KIAA1217: variants seen among roughly 807,000 people sequenced by gnomAD.
KIAA1217 encodes sickle tail protein homolog.
KIAA1217 carries 88 observed loss-of-function variants against 163.9 expected under a neutral mutation model. The observed-to-expected ratio is 0.54, with a 90% confidence interval of 0.45 to 0.64. KIAA1217 has a LOEUF of 0.64. Among genes scored for constraint, KIAA1217 ranks in the 30% least tolerant of loss-of-function variants. The pLI is 0.00. For missense variants in KIAA1217, 2,372 were observed against 2,475.0 expected (o/e 0.96, Z 0.88); for synonymous variants, 903 against 923.1 (o/e 0.98, Z 0.39).
At chr10:23,901,618 G>A (rs1204412692) in intron 1 of KIAA1217, among the ~76,000 whole-genome samples, 3 of 151,980 alleles carry the variant, frequency 2.0e-5, no homozygotes, top group Non-Finnish European at 4.4e-5. Flanking sequence ...GCTAAGAACT[G>A]AAATATTTGG....
intron 8 of KIAA1217, among the ~76,000 whole-genome samples, chr10:24,499,442 A>G (rs2067230910): frequency 2.0e-5 from 3 of 152,270 alleles, no homozygotes; most frequent in South Asian, 4.1e-4. Context: ...AGGCTTAGAA[A>G]CATAACGTGG....
At chr10:24,499,119 C>A (rs773862509) in intron 8 of KIAA1217, among the ~76,000 whole-genome samples, 2 of 152,090 alleles carry the variant, frequency 1.3e-5, no homozygotes, top group Non-Finnish European at 2.9e-5. Flanking sequence ...GTGCGCCTAT[C>A]CCTCAAAGAG....
intron 17 of KIAA1217, among the ~76,000 whole-genome samples, chr10:24,540,045 T>G (rs1413535267): frequency 6.6e-6 from 1 of 152,224 alleles, no homozygotes; most frequent in Non-Finnish European, 1.5e-5. Context: ...ACTGTGAGTT[T>G]GCATGACAAT....
chr10:23,762,883 A>C (rs968695750), intron 1 of KIAA1217, among the ~76,000 whole-genome samples: 2 of 152,242 alleles, frequency 1.3e-5, no homozygotes, highest in Admixed American at 6.5e-5. Flanking sequence ...ATCTCAGCCC[A>C]AAAACTCCTT....
chr10:24,273,657 G>A (rs1419190180), intron 2 of KIAA1217, among the ~76,000 whole-genome samples: 1 of 152,002 alleles, frequency 6.6e-6, no homozygotes, highest in African/African-American at 2.4e-5. Context: ...TTCGAGACCA[G>A]CCTGGCCAAC....
At chr10:23,767,519 T>G (rs1390291934) in intron 1 of KIAA1217, among the ~76,000 whole-genome samples, 1 of 152,172 alleles carries the variant, frequency 6.6e-6, no homozygotes, top group Non-Finnish European at 1.5e-5. Context: ...GAGGATTGCT[T>G]GAGCCTAGGA....
intron 1 of KIAA1217, among the ~76,000 whole-genome samples, chr10:23,743,954 T>C (rs1839263093): frequency 6.6e-6 from 1 of 152,128 alleles, no homozygotes; most frequent in African/African-American, 2.4e-5. Context: ...TAATGTTTCC[T>C]GACAGGGATC....
intron 3 of KIAA1217, among the ~76,000 whole-genome samples, chr10:24,426,620 G>A (rs933187445): frequency 4.6e-5 from 7 of 151,498 alleles, no homozygotes; most frequent in Non-Finnish European, 7.4e-5. Flanking sequence ...GCGAGACTCT[G>A]TCTGAAAAAA....
intron 1 of KIAA1217, among the ~76,000 whole-genome samples, chr10:23,810,063 G>T (rs999440830): frequency 6.6e-6 from 1 of 151,906 alleles, no homozygotes; most frequent in Non-Finnish European, 1.5e-5. Context: ...CAATGTAAGT[G>T]TTCTGAGCAC....
chr10:24,155,255 G>A (rs1163083505), intron 2 of KIAA1217, among the ~76,000 whole-genome samples: 1 of 152,120 alleles, frequency 6.6e-6, no homozygotes, highest in Non-Finnish European at 1.5e-5. Flanking sequence ...ACAAATGGCT[G>A]TCCGTAACTG....
chr10:23,771,517 G>A (rs755256637), intron 1 of KIAA1217, among the ~76,000 whole-genome samples: 1 of 152,160 alleles, frequency 6.6e-6, no homozygotes, highest in Non-Finnish European at 1.5e-5. Context: ...GTTTATATTA[G>A]ATATAGTATC....
At chr10:24,530,023 C>T (rs2072886508) in intron 14 of KIAA1217, among the ~76,000 whole-genome samples, 1 of 152,092 alleles carries the variant, frequency 6.6e-6, no homozygotes, top group Non-Finnish European at 1.5e-5. Flanking sequence ...TCTCGAACTC[C>T]TGACCTCAGG....
At chr10:24,313,236 G>C (rs2133086591) in intron 2 of KIAA1217, among the ~76,000 whole-genome samples, 1 of 152,226 alleles carries the variant, frequency 6.6e-6, no homozygotes, top group Non-Finnish European at 1.5e-5. Context: ...AGCCTGGGTG[G>C]GTACCCTTAT....
chr10:23,704,172 G>GTGTGTGTATATATATATA (rs1229370789), intron 1 of KIAA1217, among the ~76,000 whole-genome samples: 43 of 39,930 alleles, frequency 1.1e-3, no homozygotes, highest in Non-Finnish European at 1.4e-3. Context: ...GTGTGTGTGT[G>GTGTGTGTATATATATATA]TATATATATA....
chr10:24,142,242 T>C (rs1031463983), intron 2 of KIAA1217, among the ~76,000 whole-genome samples: 2 of 152,240 alleles, frequency 1.3e-5, no homozygotes, highest in African/African-American at 4.8e-5. Context: ...GTTCCAAACA[T>C]ACCTACGAGT....
chr10:23,756,932 C>G (rs550206282), intron 1 of KIAA1217, among the ~76,000 whole-genome samples: 1 of 152,308 alleles, frequency 6.6e-6, no homozygotes, highest in African/African-American at 2.4e-5. Flanking sequence ...TGTATGATTT[C>G]TATTATGCTA....
intron 1 of KIAA1217, among the ~76,000 whole-genome samples, chr10:23,777,036 C>T (rs1397458094): frequency 6.6e-6 from 1 of 152,110 alleles, no homozygotes; most frequent in Non-Finnish European, 1.5e-5. Context: ...TCCAAAATTT[C>T]TCTCATGAGC....
At chr10:24,290,607 CTTT>C (rs772470799) in intron 2 of KIAA1217, among the ~76,000 whole-genome samples, 2 of 142,756 alleles carry the variant, frequency 1.4e-5, no homozygotes, top group African/African-American at 2.6e-5. Flanking sequence ...AGATGTCTCT[CTTT>C]TTTTTTTTTT....
At chr10:23,994,842 C>T (rs1846394033) in intron 1 of KIAA1217, among the ~76,000 whole-genome samples, 1 of 152,158 alleles carries the variant, frequency 6.6e-6, no homozygotes, top group Admixed American at 6.5e-5. Context: ...TGGATTTTCT[C>T]TTCATAACCA....
Sources: gnomAD v4.1 joint callset for allele counts (sites outside exome capture counted in the v4.1 genomes callset) on GRCh38, gnomAD v4.1.1 for gene constraint, MANE v1.5 for transcripts, NCBI Gene and HGNC (gene_info 2026-07-23, HGNC 2026-07-21) for gene names.